The following FAM241B variants were observed in gnomAD, a reference collection of about 807,000 sequenced individuals.
FAM241B encodes family with sequence similarity 241 member B, also known as protein FAM241B.
FAM241B carries 7 observed loss-of-function variants against 9.3 expected under a neutral mutation model. The ratio of observed to expected loss-of-function variants is 0.75; its 90% CI spans 0.43 to 1.41. The LOEUF (loss-of-function observed/expected upper bound fraction) is 1.41. Among genes scored for constraint, FAM241B ranks in the 40% most tolerant of loss-of-function variants. The probability of loss-of-function intolerance (pLI) is 0.01; values close to 1 mark genes in which losing one functional copy is unlikely to be tolerated. For missense variants in FAM241B, 136 were observed against 159.6 expected (o/e 0.85, Z 0.80); for synonymous variants, 60 against 64.1 (o/e 0.94, Z 0.31).
chr10:69,631,449 T>G, intron 1 of FAM241B, 31 bp from the exon 2 acceptor site: 1 of 1,455,832 alleles, frequency 6.9e-7, no homozygotes, highest in African/African-American at 1.4e-5. Context: ...GCAAACAACT[T>G]GCCTTTATTT....
intron 1 of FAM241B, chr10:69,630,720 A>G: frequency 8.0e-7 from 1 of 1,252,792 alleles, no homozygotes; most frequent in South Asian, 1.3e-5. Flanking sequence ...ACTCAAGGGG[A>G]GGCGTGGAGG....
intron 3 of FAM241B, among the ~76,000 whole-genome samples, chr10:69,632,515 C>A (rs1423326182): frequency 6.6e-6 from 1 of 151,466 alleles, no homozygotes; most frequent in East Asian, 1.9e-4. Context: ...AAATGCTGGC[C>A]CTAGAGCCAT....
rs1839793331 is a variant in FAM241B at position 69,630,287 on chromosome 10, C to T, written c.-130C>T. On this transcript the variant is annotated 5_prime_UTR_variant, in exon 1 of 4. Coordinates refer to ENST00000373279, the MANE Select transcript of FAM241B (RefSeq NM_145306.3). The stretch of plus-strand genomic sequence containing the variant: ...GCCTGGAGCCGCCGGGAGTGGACGC[C>T]GCCGAGGCCCGGAGTCGCGCCTGCA... 6.6e-6 allele frequency: 1 copy of T among 152,666 alleles called. No individual in the cohort carries two copies. 9.5% of individuals were successfully genotyped at this position (152,666 alleles called of 1,614,324 possible).
rs138141237 is a variant in FAM241B, at chr10:69,631,804, A to G, written c.61A>G (p.Thr21Ala). Reference sequence around the variant, plus strand: ...GGATGACGACCCCCGAGTGAGGACCACTACCCAGCCACCAAGAGGTAGCAT... The same window carrying G: ...GGATGACGACCCCCGAGTGAGGACCGCTACCCAGCCACCAAGAGGTAGCAT... ...VQDDDPRVRTTTQPPRGSIPR... is the reference protein window; with the variant it reads ...VQDDDPRVRTATQPPRGSIPR... The change falls in exon 3 of 4, where the codon ACT (threonine) becomes GCT (alanine). Residue 21 changes from threonine (T) to alanine (A), a missense_variant. By Grantham distance (58) the Thr-to-Ala change is moderately conservative. Transcript: ENST00000373279. 4,460 of 1,612,952 alleles carry G rather than the reference A, an allele frequency of 2.8e-3. 11 individuals are homozygous for G. The highest frequency in any genetic ancestry group is 3.4e-3 in the Non-Finnish European group (4,035 of 1,179,748).
Position 69,633,305 on chromosome 10 carries a change from G to A in FAM241B, c.*246G>A, listed in dbSNP as rs1839864187. The A allele has an allele frequency of 1.8e-6, 1 of 567,550 alleles. No homozygotes were observed. Among genetic ancestry groups the A allele is most frequent in the Non-Finnish European group, 3.1e-6 (1 of 321,786 alleles). 35.2% of individuals were successfully genotyped at this position (567,550 alleles called of 1,614,324 possible). On this transcript the variant is annotated 3_prime_UTR_variant, in exon 4 of 4. Transcript: ENST00000373279. ...AGGTGGTATGGGGCCTGCATTAAGTGGCACAAAATCAGAGCAAGAAAGCGA... is the reference window on the plus strand; with the variant it reads ...AGGTGGTATGGGGCCTGCATTAAGTAGCACAAAATCAGAGCAAGAAAGCGA...
Position 69,633,044 on chromosome 10 carries a change from C to CCTGAGTCAG in FAM241B, c.353_361dup (p.Leu118_Gln120dup), listed in dbSNP as rs764060126. 6 of 1,614,164 alleles carry CCTGAGTCAG rather than the reference C, an allele frequency of 3.7e-6. No homozygotes were observed. Among genetic ancestry groups the CCTGAGTCAG allele is most frequent in the Non-Finnish European group, 5.1e-6 (6 of 1,180,034 alleles). ...TTGGCCTTGTCTACCTGGTGTCCCA[C>CCTGAGTCAG]CTGAGTCAGCGGTGACCTCTGAGGG... On this transcript the variant is annotated inframe_insertion, in exon 4 of 4. Transcript: ENST00000373279.
intron 3 of FAM241B, 128 bp downstream of exon 3, chr10:69,631,967 G>GTAAGACTTGGT (rs2133257146): frequency 7.9e-7 from 1 of 1,270,058 alleles, no homozygotes. Flanking sequence ...AGAGAGCTGG[G>GTAAGACTTGGT]GAAGATGCAG....
Position 69,633,133 on chromosome 10 carries a change from G to A in FAM241B, c.*74G>A. On this transcript the variant is annotated 3_prime_UTR_variant, in exon 4 of 4. Coordinates refer to ENST00000373279, the MANE Select transcript of FAM241B (RefSeq NM_145306.3). ...CTTGGTGTGAGAGCAGGCATATTTG[G>A]AGGGGATCTGGTGGTGCCTTGAAGG... 2 of 1,570,896 alleles carry A rather than the reference G, an allele frequency of 1.3e-6. No individual in the cohort carries two copies. Among genetic ancestry groups the A allele is most frequent in the Non-Finnish European group, 1.7e-6 (2 of 1,155,632 alleles).
intron 1 of FAM241B, 75 bp from the exon 2 acceptor site, chr10:69,631,405 C>T (rs1276668598): frequency 8.2e-7 from 1 of 1,224,352 alleles, no homozygotes; most frequent in East Asian, 4.1e-5. Flanking sequence ...GATAGTTTTC[C>T]TGGTGGACTC....
At position 69,633,208 on chromosome 10, in the gene FAM241B, G is replaced by A. The variant is rs187756447; in HGVS notation, c.*149G>A. The A allele has an allele frequency of 1.5e-4, 184 of 1,200,470 alleles. No individual in the cohort carries two copies. In the African/African-American group the frequency reaches 2.1e-3, roughly 14 times the overall value. 74.4% of individuals were successfully genotyped at this position (1,200,470 alleles called of 1,614,324 possible). A position where few individuals can be genotyped will look rare whatever the true frequency, so the allele number is the denominator to read the frequency against. On this transcript the variant is annotated 3_prime_UTR_variant, in exon 4 of 4. Coordinates refer to ENST00000373279, the MANE Select transcript of FAM241B (RefSeq NM_145306.3). ...TGTGTGTTTCCCCTTTGTGTTAAGC[G>A]TGAGGCAGAGGGAGACGTTAGTCCA...
rs1839863674 is a variant in FAM241B at position 69,633,276 on chromosome 10, T to C, written c.*217T>C. 1.2e-5 allele frequency: 8 copies of C among 646,012 alleles called. No individual in the cohort carries two copies. The highest frequency in any genetic ancestry group is 2.1e-5 in the Non-Finnish European group (8 of 381,362). 40.0% of individuals were successfully genotyped at this position (646,012 alleles called of 1,614,324 possible). ...GTGGGTCCGTTGGTTCCCAAGATAC[T>C]TTTAGGTGGTATGGGGCCTGCATTA... On this transcript the variant is annotated 3_prime_UTR_variant, in exon 4 of 4. Transcript: ENST00000373279.
At chr10:69,631,577 T>A (rs562765756) in intron 2 of FAM241B, 30 bp downstream of exon 2, 2 of 1,547,540 alleles carry the variant, frequency 1.3e-6, no homozygotes, top group East Asian at 4.9e-5. Context: ...CTTTTTGAGG[T>A]CAGGGGGAAA....
intron 2 of FAM241B, 50 bp from the exon 3 acceptor site, chr10:69,631,659 C>A: frequency 6.4e-7 from 1 of 1,565,306 alleles, no homozygotes; most frequent in Non-Finnish European, 8.7e-7. Context: ...GGGAGAACTT[C>A]TGTGCCACTT....
intron 1 of FAM241B, among the ~76,000 whole-genome samples, chr10:69,630,888 A>G (rs779137875): frequency 8.6e-5 from 13 of 152,030 alleles, no homozygotes; most frequent in African/African-American, 3.1e-4. Flanking sequence ...TGCCCTCTGC[A>G]GCAAAGGTGT....
At position 69,632,962 on chromosome 10, in the gene FAM241B, C is replaced by T. The variant is rs1436085902; in HGVS notation, c.269C>T (p.Thr90Ile). The T allele has an allele frequency of 6.2e-7, 1 of 1,614,090 alleles. No individual in the cohort carries two copies. The highest frequency in any genetic ancestry group is 8.5e-7 in the Non-Finnish European group (1 of 1,180,032). ...HLGNHAVEPV[T>I]SILLLFLLMM... ...GGCAACCATGCTGTGGAGCCGGTGA[C>T]CTCCATCCTGCTCCTCTTCCTGCTC... The change falls in exon 4 of 4, where the codon ACC becomes ATC. Residue 90 changes from threonine to isoleucine, a missense_variant. Physicochemically the swap from Thr to Ile is moderately conservative, Grantham distance 89. Coordinates refer to ENST00000373279, the MANE Select transcript of FAM241B (RefSeq NM_145306.3).
Position 69,632,854 on chromosome 10 carries a change from G to C in FAM241B, c.161G>C (p.Gly54Ala), listed in dbSNP as rs764439740. Reference protein sequence around the residue: ...GGPGPRQQQAGARLGAAQSPF... With the variant: ...GGPGPRQQQAAARLGAAQSPF... ...CCTGGCCCCCGCCAGCAGCAGGCAG[G>C]TGCCAGGCTGGGTGCTGCTCAGTCC... The change falls in exon 4 of 4, where the codon GGT becomes GCT. Residue 54 changes from glycine to alanine, a missense_variant. Gly to Ala is a moderately conservative substitution (Grantham distance 60). Transcript: ENST00000373279. 36 of 1,614,112 alleles carry C rather than the reference G, an allele frequency of 2.2e-5. No individual in the cohort carries two copies. The Admixed American group carries it at 6.0e-4, about 27-fold the overall frequency.
At chr10:69,630,795 A>G (rs1839804594) in intron 1 of FAM241B, 1 of 683,950 alleles carries the variant, frequency 1.5e-6, no homozygotes, top group South Asian at 2.2e-5. Flanking sequence ...ACCCCCTCCC[A>G]TATTTTGGGA....
chr10:69,632,704 G>C, intron 3 of FAM241B, 86 bp from the exon 4 acceptor site: 8 of 1,473,254 alleles, frequency 5.4e-6, no homozygotes, highest in Non-Finnish European at 7.3e-6. Flanking sequence ...GCTGTAGGAA[G>C]GGCAGGATGC....
chr10:69,631,782 T>C lies in FAM241B; in HGVS notation c.39T>C (p.Asp13=), dbSNP rs1381932. The change falls in exon 3 of 4, where the codon GAT becomes GAC. Residue 13 remains aspartate (D), a synonymous_variant. Transcript: ENST00000373279. The part of the protein sequence containing the change: ...RILANGEIVQ[D]DDPRVRTTTQ... ...TGGCCAATGGGGAAATCGTGCAGGATGACGACCCCCGAGTGAGGACCACTA... is the reference window on the plus strand; with the variant it reads ...TGGCCAATGGGGAAATCGTGCAGGACGACGACCCCCGAGTGAGGACCACTA... The C allele has an allele frequency of 0.23, 366,590 of 1,612,482 alleles. 43,570 individuals carry two copies. The highest frequency in any genetic ancestry group is 0.3 in the African/African-American group (22,212 of 74,896).
Sources: gnomAD v4.1 joint callset for allele counts (sites outside exome capture counted in the v4.1 genomes callset) on GRCh38, gnomAD v4.1.1 for gene constraint, MANE v1.5 for transcripts, NCBI Gene and HGNC (gene_info 2026-07-23, HGNC 2026-07-21) for gene names.